Variants in PRKN observed in about 807,000 individuals in gnomAD.
PRKN encodes the protein parkin RBR E3 ubiquitin protein ligase.
In PRKN, 56 loss-of-function variants were observed where a neutral mutation model predicts 59.5. That is an observed-to-expected ratio of 0.94 (90% CI 0.76 to 1.18). The LOEUF is 1.18. Ranked by LOEUF, PRKN falls within the 50% of genes most tolerant of loss-of-function variation. The pLI is 0.00. For synonymous variants in PRKN, 250 were observed against 222.1 expected, an observed-to-expected ratio of 1.13 and a Z score of -1.12; for missense variants, 657 against 596.4, an observed-to-expected ratio of 1.10 and a Z score of -1.06.
At chr6:161,534,102 C>T (rs1779323142) in intron 9 of PRKN, among the ~76,000 whole-genome samples, 1 of 152,070 alleles carries the variant, frequency 6.6e-6, no homozygotes, top group Non-Finnish European at 1.5e-5. Context: ...AGTACTGAAT[C>T]CTTAACCCAC....
intron 1 of PRKN, among the ~76,000 whole-genome samples, chr6:162,515,618 G>A (rs1777816052): frequency 6.6e-6 from 1 of 152,162 alleles, no homozygotes; most frequent in South Asian, 2.1e-4. Flanking sequence ...GTTAAGAAAA[G>A]CAACAGTCTT....
chr6:161,597,640 G>A (rs1368073664), intron 7 of PRKN, among the ~76,000 whole-genome samples: 2 of 152,128 alleles, frequency 1.3e-5, no homozygotes, highest in African/African-American at 4.8e-5. Flanking sequence ...AGTGGAGAAG[G>A]GACAAGTGTG....
intron 5 of PRKN, among the ~76,000 whole-genome samples, chr6:162,048,175 G>A (rs1358699943): frequency 6.6e-6 from 1 of 151,972 alleles, no homozygotes; most frequent in African/African-American, 2.4e-5. Context: ...GGTAAATTCT[G>A]CCTCTCAAAA....
At chr6:162,035,685 A>C (rs1783811499) in intron 5 of PRKN, among the ~76,000 whole-genome samples, 1 of 152,212 alleles carries the variant, frequency 6.6e-6, no homozygotes, top group Admixed American at 6.5e-5. Context: ...TAGAGGGATC[A>C]AAATAATACA....
At chr6:161,822,993 G>C (rs1456551568) in intron 6 of PRKN, among the ~76,000 whole-genome samples, 1 of 152,070 alleles carries the variant, frequency 6.6e-6, no homozygotes, top group Non-Finnish European at 1.5e-5. Context: ...CTGGAGTCCA[G>C]TGACATGAAT....
intron 3 of PRKN, among the ~76,000 whole-genome samples, chr6:162,235,977 G>GAAAGAAAGAAAGA: frequency 9.0e-6 from 1 of 111,600 alleles, no homozygotes; most frequent in African/African-American, 4.4e-5. Context: ...AAGAAAGAAA[G>GAAAGAAAGAAAGA]AAAGAAAGAA....
In PRKN at chr6:161,347,840, A is replaced by G. The variant is rs1163661606; in HGVS notation, c.*2259T>C. ...ATCATCTTGGCCAGGCTGGTCTTGA[A>G]CTCCTGACCTCGTGATCCACCCACC... On this transcript the variant is annotated 3_prime_UTR_variant, in exon 12 of 12. Coordinates refer to ENST00000366898, the MANE Select transcript of PRKN (RefSeq NM_004562.3). The G allele has an allele frequency of 1.3e-5, 2 of 150,476 alleles. No homozygotes were observed. The highest frequency in any genetic ancestry group is 6.6e-5 in the Admixed American group (1 of 15,046). 9.3% of individuals were successfully genotyped at this position (150,476 alleles called of 1,614,324 possible). A position where few individuals can be genotyped will look rare whatever the true frequency, so the allele number is the denominator to read the frequency against.
chr6:162,375,302 G>T (rs926675008), intron 2 of PRKN, among the ~76,000 whole-genome samples: 1 of 152,002 alleles, frequency 6.6e-6, no homozygotes, highest in Admixed American at 6.6e-5. Flanking sequence ...TGAGTAACCA[G>T]GGTCTCAAGC....
intron 10 of PRKN, among the ~76,000 whole-genome samples, chr6:161,366,778 T>C (rs904056004): frequency 3.9e-5 from 6 of 152,128 alleles, no homozygotes; most frequent in African/African-American, 1.4e-4. Context: ...CGGGTGTTTC[T>C]GTACCTGACT....
chr6:162,366,839 C>T (rs571019428), intron 2 of PRKN, among the ~76,000 whole-genome samples: 8 of 152,208 alleles, frequency 5.3e-5, no homozygotes, highest in Middle Eastern at 3.4e-3. Context: ...GTGGAGGTTG[C>T]GGTGACTAGA....
intron 1 of PRKN, among the ~76,000 whole-genome samples, chr6:162,717,557 T>C (rs1778776407): frequency 7.7e-6 from 1 of 129,824 alleles, no homozygotes; most frequent in African/African-American, 3.0e-5. Context: ...CAGAGGGAGA[T>C]CTTGTCTCAA....
intron 1 of PRKN, among the ~76,000 whole-genome samples, chr6:162,688,442 T>C (rs1777647849): frequency 6.6e-6 from 1 of 152,214 alleles, no homozygotes; most frequent in South Asian, 2.1e-4. Context: ...TTGTGTGATA[T>C]ACTGCAATAA....
rs193139967 is a variant in PRKN, at chr6:162,159,560, T to C, written c.534+41571A>G. Among the ~76,000 whole-genome samples the C allele has an allele frequency of 3.3e-3, 500 of 152,328 alleles. 2 individuals are homozygous for C. Among genetic ancestry groups the C allele is most frequent in the African/African-American group, 0.012 (485 of 41,584 alleles). On this transcript the variant is annotated intron_variant, in intron 4 of 11. Transcript: ENST00000366898. ...ATCTATAGTTTTAATGTAATTTAAA[T>C]GAACATCTCAAAAGGCAGATTTCTT...
intron 5 of PRKN, among the ~76,000 whole-genome samples, chr6:162,024,972 T>C (rs1783366475): frequency 6.6e-6 from 1 of 151,992 alleles, no homozygotes; most frequent in East Asian, 1.9e-4. Flanking sequence ...TATATGTATA[T>C]AACTTCTATA....
intron 6 of PRKN, among the ~76,000 whole-genome samples, chr6:161,907,386 C>G (rs745759433): frequency 6.6e-6 from 1 of 152,170 alleles, no homozygotes; most frequent in African/African-American, 2.4e-5. Flanking sequence ...ATCAGCATCT[C>G]AACTCCTATT....
intron 6 of PRKN, among the ~76,000 whole-genome samples, chr6:161,835,997 C>T (rs1288058215): frequency 1.3e-5 from 2 of 152,208 alleles, no homozygotes; most frequent in East Asian, 1.9e-4. Flanking sequence ...AAATGACTCT[C>T]AGTATATTCA....
chr6:162,611,267 A>C (rs559170770), intron 1 of PRKN, among the ~76,000 whole-genome samples: 1 of 152,340 alleles, frequency 6.6e-6, no homozygotes, highest in African/African-American at 2.4e-5. Flanking sequence ...TGAATGGATA[A>C]ATTAAAGTAG....
rs76108386 is a variant in PRKN at position 162,334,502 on chromosome 6, C to T, written c.172-71737G>A. Among the ~76,000 whole-genome samples the T allele has an allele frequency of 8.5e-4, 130 of 152,180 alleles. 2 individuals carry two copies. In the East Asian group the frequency reaches 0.021, roughly 25 times the overall value. ...CACATCTGTTTACAGTGTGTTTTAC[C>T]GAATATTTTAAGTGCACTGTTGAGA... is the stretch of plus-strand genomic sequence containing the variant. On this transcript the variant is annotated intron_variant, in intron 2 of 11. Coordinates refer to ENST00000366898, the MANE Select transcript of PRKN (RefSeq NM_004562.3).
At chr6:162,195,859 A>G (rs1784468849) in intron 4 of PRKN, among the ~76,000 whole-genome samples, 1 of 152,190 alleles carries the variant, frequency 6.6e-6, no homozygotes, top group Non-Finnish European at 1.5e-5. Flanking sequence ...CTTAATCAGA[A>G]CTAGAGTCCT....
Sources: gnomAD v4.1 joint callset for allele counts (sites outside exome capture counted in the v4.1 genomes callset) on GRCh38, gnomAD v4.1.1 for gene constraint, MANE v1.5 for transcripts, NCBI Gene and HGNC (gene_info 2026-07-23, HGNC 2026-07-21) for gene names.